Variants in EDIL3 observed in about 807,000 individuals in gnomAD.
The protein encoded by EDIL3 is EGF like and discoidin domains 3.
EDIL3 carries 37 observed loss-of-function variants against 67.4 expected under a neutral mutation model. The ratio of observed to expected loss-of-function variants is 0.55; its 90% CI spans 0.42 to 0.72. EDIL3 has a LOEUF of 0.72. Ranked by LOEUF, EDIL3 falls within the 30% of genes least tolerant of loss-of-function variation. The pLI is 0.00. For missense variants in EDIL3, 527 were observed against 586.3 expected (o/e 0.90, Z 1.04); for synonymous variants, 195 against 196.3 (o/e 0.99, Z 0.05).
chr5:84,088,348 T>C (rs991222299), intron 6 of EDIL3, among the ~76,000 whole-genome samples: 3 of 152,214 alleles, frequency 2.0e-5, no homozygotes, highest in East Asian at 1.9e-4. Flanking sequence ...CTAAGATACA[T>C]TGGCAATTCT....
At chr5:84,032,876 T>C (rs950575843) in intron 9 of EDIL3, among the ~76,000 whole-genome samples, 20 of 152,220 alleles carry the variant, frequency 1.3e-4, no homozygotes, top group African/African-American at 4.3e-4. Flanking sequence ...ATATGCTCTA[T>C]ATGACCAGAG....
At chr5:84,030,067 G>A (rs955258755) in intron 9 of EDIL3, among the ~76,000 whole-genome samples, 3 of 146,806 alleles carry the variant, frequency 2.0e-5, no homozygotes, top group African/African-American at 7.3e-5. Context: ...ATGCTTAAAT[G>A]ACTCCAAACA....
intron 9 of EDIL3, among the ~76,000 whole-genome samples, chr5:84,022,901 T>G (rs1023941010): frequency 6.6e-6 from 1 of 151,902 alleles, no homozygotes; most frequent in African/African-American, 2.4e-5. Flanking sequence ...AAGAGAGAAC[T>G]TGAATTGTTA....
chr5:84,377,323 AAAAG>A (rs1432799437), intron 1 of EDIL3, among the ~76,000 whole-genome samples: 6 of 152,086 alleles, frequency 3.9e-5, no homozygotes, highest in Non-Finnish European at 7.4e-5. Flanking sequence ...AAAAAAAAAA[AAAAG>A]AGTGAAGCAG....
intron 9 of EDIL3, among the ~76,000 whole-genome samples, chr5:84,028,870 C>A (rs1745866373): frequency 6.6e-6 from 1 of 151,978 alleles, no homozygotes; most frequent in Admixed American, 6.6e-5. Flanking sequence ...CTTGAATTCC[C>A]ACGTGTTGTG....
At chr5:84,372,008 ACTAT>A (rs1253232834) in intron 1 of EDIL3, among the ~76,000 whole-genome samples, 2 of 152,172 alleles carry the variant, frequency 1.3e-5, no homozygotes, top group Non-Finnish European at 2.9e-5. Flanking sequence ...AACTTTAGAG[ACTAT>A]CTTAGTTTGA....
intron 6 of EDIL3, among the ~76,000 whole-genome samples, chr5:84,101,918 C>A (rs1747372855): frequency 6.6e-6 from 1 of 152,000 alleles, no homozygotes; most frequent in Non-Finnish European, 1.5e-5. Flanking sequence ...CAAAAATCCT[C>A]AACAAAATAC....
chr5:84,343,488 T>C (rs1180089230), intron 1 of EDIL3, among the ~76,000 whole-genome samples: 1 of 152,098 alleles, frequency 6.6e-6, no homozygotes, highest in Non-Finnish European at 1.5e-5. Context: ...ATTTTCTAGT[T>C]GATCTATTGT....
chr5:84,117,325 C>T (rs889764054), intron 5 of EDIL3, among the ~76,000 whole-genome samples: 5 of 151,914 alleles, frequency 3.3e-5, no homozygotes, highest in Admixed American at 2.0e-4. Flanking sequence ...CCACCGCGCC[C>T]GGCCAAGTAC....
intron 4 of EDIL3, among the ~76,000 whole-genome samples, chr5:84,176,220 TATATATA>T (rs1276396732): frequency 7.5e-6 from 1 of 132,554 alleles, no homozygotes; most frequent in Non-Finnish European, 1.6e-5. Context: ...TATATATATA[TATATATA>T]ATATATTGTA....
chr5:84,349,182 T>C (rs1452798274), intron 1 of EDIL3, among the ~76,000 whole-genome samples: 1 of 152,216 alleles, frequency 6.6e-6, no homozygotes, highest in East Asian at 1.9e-4. Flanking sequence ...AACAGCTTGC[T>C]TTCCCAAGCA....
At chr5:84,190,845 A>G (rs1175599672) in intron 3 of EDIL3, among the ~76,000 whole-genome samples, 1 of 151,878 alleles carries the variant, frequency 6.6e-6, no homozygotes, top group Non-Finnish European at 1.5e-5. Context: ...TGAATTATAA[A>G]TTAGTTTTGC....
chr5:84,191,448 G>A (rs1270462950), intron 3 of EDIL3, among the ~76,000 whole-genome samples: 2 of 152,056 alleles, frequency 1.3e-5, no homozygotes, highest in Non-Finnish European at 2.9e-5. Flanking sequence ...CAGCTGGACA[G>A]GCAAGTTACT....
chr5:84,279,260 G>A (rs1427412244), intron 1 of EDIL3, among the ~76,000 whole-genome samples: 1 of 152,124 alleles, frequency 6.6e-6, no homozygotes, highest in Non-Finnish European at 1.5e-5. Context: ...CATCAAAGTA[G>A]TGTCTTAACT....
At chr5:83,960,635 C>T (rs1156545176) in intron 10 of EDIL3, among the ~76,000 whole-genome samples, 3 of 150,854 alleles carry the variant, frequency 2.0e-5, no homozygotes, top group African/African-American at 7.3e-5. Context: ...AGGTAAGTTT[C>T]TGGGCCTTAA....
rs567211056 is a variant in EDIL3 at position 84,108,633 on chromosome 5, A to G, written c.470-1803T>C. On this transcript the variant is annotated intron_variant, in intron 5 of 10. Coordinates refer to ENST00000296591, the MANE Select transcript of EDIL3 (RefSeq NM_005711.5). ...TATTTTGCTTTCCATTTTAAACTTC[A>G]AGATCTTTACAGACTTCATAAACGT... Among the ~76,000 whole-genome samples, 3 of 152,312 alleles carry G rather than the reference A, an allele frequency of 2.0e-5. No individual in the cohort carries two copies. The South Asian group carries it at 6.2e-4, about 32-fold the overall frequency.
intron 1 of EDIL3, among the ~76,000 whole-genome samples, chr5:84,347,472 C>T (rs138243334): frequency 6.6e-6 from 1 of 152,226 alleles, no homozygotes; most frequent in Non-Finnish European, 1.5e-5. Flanking sequence ...GTAACTAAAC[C>T]CAGCTGACTT....
chr5:84,081,230 C>T (rs1746962649), intron 6 of EDIL3, among the ~76,000 whole-genome samples: 1 of 152,194 alleles, frequency 6.6e-6, no homozygotes, highest in Admixed American at 6.5e-5. Flanking sequence ...TCTCTCCTCT[C>T]TTGGTACCAG....
intron 6 of EDIL3, among the ~76,000 whole-genome samples, chr5:84,070,746 A>G (rs751170978): frequency 1.3e-5 from 2 of 151,968 alleles, no homozygotes; most frequent in African/African-American, 2.4e-5. Flanking sequence ...TACTGAATCC[A>G]GCACTTAAGA....
Sources: allele counts gnomAD v4.1 joint callset (sites outside exome capture counted in the v4.1 genomes callset), GRCh38; gene constraint gnomAD v4.1.1; transcripts MANE v1.5; gene names NCBI Gene and HGNC (gene_info 2026-07-23, HGNC 2026-07-21).